Variants in HERC3 observed in about 807,000 individuals in gnomAD.
HERC3 encodes HECT and RLD domain containing E3 ubiquitin protein ligase 3.
In HERC3, 58 loss-of-function variants were observed where a neutral mutation model predicts 129.9. The ratio of observed to expected loss-of-function variants is 0.45; its 90% CI spans 0.36 to 0.56. The LOEUF is 0.56. Ranked by LOEUF, HERC3 falls within the 20% of genes least tolerant of loss-of-function variation. The pLI is 0.00. For missense variants in HERC3, 835 were observed against 1,244.2 expected (o/e 0.67, Z 4.95); for synonymous variants, 430 against 451.0 (o/e 0.95, Z 0.59).
intron 23 of HERC3, chr4:88,690,598 G>A: frequency 1.0e-6 from 1 of 985,372 alleles, no homozygotes; most frequent in Non-Finnish European, 1.2e-6. Flanking sequence ...TGATACAGTG[G>A]CTGGGGAAAT....
intron 23 of HERC3, among the ~76,000 whole-genome samples, chr4:88,691,062 A>G (rs555689339): frequency 1.3e-5 from 2 of 152,332 alleles, no homozygotes; most frequent in African/African-American, 4.8e-5. Flanking sequence ...TTGGAAGCCT[A>G]CTAAGATTTG....
chr4:88,632,822 A>G (rs1042019653), intron 3 of HERC3, among the ~76,000 whole-genome samples: 3 of 152,216 alleles, frequency 2.0e-5, no homozygotes, highest in Non-Finnish European at 4.4e-5. Flanking sequence ...GGAGAGGACA[A>G]AGGATGTAGT....
chr4:88,677,615 T>G (rs1732310967), intron 18 of HERC3, among the ~76,000 whole-genome samples: 1 of 152,202 alleles, frequency 6.6e-6, no homozygotes, highest in Non-Finnish European at 1.5e-5. Flanking sequence ...GGTTATTAGC[T>G]TTCTTTTCCT....
chr4:88,625,541 ACT>A (rs1403235554), intron 3 of HERC3, among the ~76,000 whole-genome samples: 1 of 151,908 alleles, frequency 6.6e-6, no homozygotes, highest in Non-Finnish European at 1.5e-5. Context: ...ACTTTGTTAA[ACT>A]CTCTTATTAG....
At chr4:88,640,848 A>G (rs1471102584) in intron 3 of HERC3, among the ~76,000 whole-genome samples, 1 of 152,242 alleles carries the variant, frequency 6.6e-6, no homozygotes, top group Non-Finnish European at 1.5e-5. Flanking sequence ...AATAAAAGGA[A>G]AAATAGACAA....
At chr4:88,679,463 T>C (rs1732521591) in intron 19 of HERC3, among the ~76,000 whole-genome samples, 1 of 151,650 alleles carries the variant, frequency 6.6e-6, no homozygotes. Context: ...TCTTTAAAAA[T>C]AAAAAGTATT....
At chr4:88,671,345 G>A (rs1361252494) in intron 16 of HERC3, among the ~76,000 whole-genome samples, 1 of 152,154 alleles carries the variant, frequency 6.6e-6, no homozygotes, top group African/African-American at 2.4e-5. Context: ...GAAGTCAGCA[G>A]TTGTCTCCAA....
chr4:88,559,697 T>C, the HERC3 span, among the ~76,000 whole-genome samples: 61,400 of 152,114 alleles, frequency 0.4, 14,788 homozygotes, highest in African/African-American at 0.68. Context: ...GGGACAGGCA[T>C]TTAGGTTGTT....
At chr4:88,545,430 C>CCTTT in the HERC3 span, among the ~76,000 whole-genome samples, 158 of 110,380 alleles carry the variant, frequency 1.4e-3, 1 homozygote, top group African/African-American at 3.8e-3. Flanking sequence ...TTTGAGAATT[C>CCTTT]TTTTTTTTTT....
chr4:88,616,081 C>G (rs1724867681), intron 3 of HERC3, among the ~76,000 whole-genome samples: 2 of 152,244 alleles, frequency 1.3e-5, no homozygotes, highest in African/African-American at 4.8e-5. Context: ...TATGGACATT[C>G]AGCTGAGGAA....
the HERC3 span, among the ~76,000 whole-genome samples, chr4:88,585,830 TAGA>T: frequency 2.6e-5 from 4 of 152,236 alleles, no homozygotes; most frequent in Admixed American, 6.5e-5. Context: ...TTTACTTAAC[TAGA>T]AGATTTTAAC....
rs1280932291 is a variant in HERC3 at position 88,654,068 on chromosome 4, C to G, written c.712C>G (p.Leu238Val). 2 of 1,612,676 alleles carry G rather than the reference C, an allele frequency of 1.2e-6. No individual in the cohort carries two copies. The highest frequency in any genetic ancestry group is 1.3e-5 in the African/African-American group (1 of 74,838). ...TCGAGAATCTCCATGCCATGTAAAACTCTTACGCACGCAAAAAGTTGTCTA... is the reference window on the plus strand; with the variant it reads ...TCGAGAATCTCCATGCCATGTAAAAGTCTTACGCACGCAAAAAGTTGTCTA... ...KDRESPCHVK[L>V]LRTQKVVYIS... The change falls in exon 7 of 26, where the codon CTC (leucine) becomes GTC (valine). Residue 238 changes from leucine (L) to valine (V), a missense_variant. Transcript: ENST00000402738.
In HERC3 at chr4:88,669,967, G is replaced by C; in HGVS notation, c.1741G>C (p.Val581Leu). The C allele has an allele frequency of 6.2e-7, 1 of 1,613,694 alleles. No individual in the cohort carries two copies. The highest frequency in any genetic ancestry group is 8.5e-7 in the Non-Finnish European group (1 of 1,179,716). Residue 581 changes from valine to leucine, a missense_variant, in exon 15 of 26, where the codon GTA becomes CTA. Val to Leu is a conservative substitution (Grantham distance 32). Transcript: ENST00000402738. ...GGGAAGAAAGACATTCTTAATTCCC[G>C]TACTGTTTAACAATTATATCACAGC... is the stretch of plus-strand genomic sequence containing the variant. ...LRGRKTFLIP[V>L]LFNNYITAAL...
chr4:88,570,509 G>T, the HERC3 span, among the ~76,000 whole-genome samples: 1 of 152,070 alleles, frequency 6.6e-6, no homozygotes, highest in South Asian at 2.1e-4. Context: ...TTGTTTCAAT[G>T]ATCCCAAAAT....
chr4:88,543,427 A>G, the HERC3 span, among the ~76,000 whole-genome samples: 1 of 152,204 alleles, frequency 6.6e-6, no homozygotes, highest in African/African-American at 2.4e-5. Context: ...GCTCAACGAA[A>G]TAAAAGAGGA....
chr4:88,667,431 A>C lies in HERC3; in HGVS notation c.1386A>C (p.Ser462=). 5.6e-6 allele frequency: 9 copies of C among 1,611,054 alleles called. No homozygotes were observed. The highest frequency in any genetic ancestry group is 7.6e-6 in the Non-Finnish European group (9 of 1,178,326). ...AAATCCCTGGGATTGACCTGAACTC[A>C]ACTAGGGTGTTATTTGAGAAGTTAA... The part of the protein sequence containing the change: ...SPKIPGIDLN[S]TRVLFEKLMN... The change falls in exon 13 of 26, where the codon TCA becomes TCC. Residue 462 remains serine (S), a synonymous_variant. Coordinates refer to ENST00000402738, the MANE Select transcript of HERC3 (RefSeq NM_014606.3).
intron 12 of HERC3, 48 bp downstream of exon 12, chr4:88,664,260 C>T: frequency 2.0e-6 from 3 of 1,467,250 alleles, no homozygotes; most frequent in Non-Finnish European, 2.9e-6. Context: ...CCTGTAGTCT[C>T]AAGCTATTTG....
At chr4:88,652,800 T>C in intron 5 of HERC3, 69 bp from the exon 6 acceptor site, 3 of 1,482,802 alleles carry the variant, frequency 2.0e-6, no homozygotes, top group Non-Finnish European at 2.7e-6. Flanking sequence ...ATGACCCTAA[T>C]AACTAGATTA....
chr4:88,585,433 C>T, the HERC3 span, among the ~76,000 whole-genome samples: 1 of 151,660 alleles, frequency 6.6e-6, no homozygotes, highest in South Asian at 2.1e-4. Context: ...AATCACGACA[C>T]TAAGTTTTCT....
Sources: allele counts gnomAD v4.1 joint callset (sites outside exome capture counted in the v4.1 genomes callset), GRCh38; gene constraint gnomAD v4.1.1; transcripts MANE v1.5; gene names NCBI Gene and HGNC (gene_info 2026-07-23, HGNC 2026-07-21).